Variants in RAP2C observed in about 807,000 individuals in gnomAD.
The protein encoded by RAP2C is RAP2C, member of RAS oncogene family.
A neutral mutation model predicts 8.9 loss-of-function variants in RAP2C; 3 were observed. That is an observed-to-expected ratio of 0.34 (90% CI 0.15 to 0.87). RAP2C has a LOEUF of 0.87. Ranked by LOEUF, RAP2C falls within the 40% of genes least tolerant of loss-of-function variation. RAP2C has a pLI of 0.51. For synonymous variants in RAP2C, 60 were observed against 52.1 expected (o/e 1.15, Z -0.65); for missense variants, 76 against 133.7 (o/e 0.57, Z 2.13).
chrX:132,213,107 T>G (rs1296066386), intron 5 of RAP2C, among the ~76,000 whole-genome samples: 2 of 111,784 alleles, frequency 1.8e-5, no homozygotes, highest in African/African-American at 6.5e-5. Context: ...CTGTTGCCAT[T>G]TGCAACACTG....
chrX:132,215,643 A>G (rs1930557634), intron 4 of RAP2C, among the ~76,000 whole-genome samples: 2 of 111,678 alleles, frequency 1.8e-5, no homozygotes, highest in Admixed American at 9.5e-5. Context: ...ACAAATGGAT[A>G]TAACAGAAAT....
At chrX:132,216,907 A>G (rs1930616763) in intron 4 of RAP2C, 89 bp downstream of exon 4, 2 of 890,843 alleles carry the variant, frequency 2.2e-6, no homozygotes. Flanking sequence ...AGCAAAGCAC[A>G]GTCATTAATG....
chrX:132,208,579 CATT>C (rs1930338725), intron 5 of RAP2C, among the ~76,000 whole-genome samples: 1 of 109,620 alleles, frequency 9.1e-6, no homozygotes, highest in Admixed American at 9.7e-5. Context: ...TTTAATAAAA[CATT>C]AAATTATTTT....
At chrX:132,207,938 A>G (rs918817871) in intron 5 of RAP2C, among the ~76,000 whole-genome samples, 19 of 110,919 alleles carry the variant, frequency 1.7e-4, no homozygotes, top group African/African-American at 6.2e-4. Flanking sequence ...GCTTCTATTC[A>G]AACTCTTACT....
At chrX:132,209,482 T>C (rs1446016382) in intron 5 of RAP2C, among the ~76,000 whole-genome samples, 3 of 112,063 alleles carry the variant, frequency 2.7e-5, no homozygotes, top group African/African-American at 9.7e-5. Context: ...CTTGGGAGTA[T>C]GTTTTTGATT....
chrX:132,209,488 T>C lies in RAP2C; in HGVS notation c.*35-3901A>G, dbSNP rs762238728. On this transcript the variant is annotated intron_variant, in intron 5 of 5. Transcript: ENST00000370874. ...TTAAAACTACTTGGGAGTATGTTTT[T>C]GATTGGATATGTTTTTCTAACAGCT... Among the ~76,000 whole-genome samples the C allele has an allele frequency of 2.7e-5, 3 of 112,193 alleles. No individual in the cohort carries two copies. In the East Asian group the frequency reaches 8.4e-4, roughly 32 times the overall value.
At chrX:132,206,076 G>C (rs145421254) in intron 5 of RAP2C, among the ~76,000 whole-genome samples, 1 of 111,016 alleles carries the variant, frequency 9.0e-6, no homozygotes, top group Non-Finnish European at 1.9e-5. Context: ...ATAAGAAAAC[G>C]TCATTCAGGC....
chrX:132,214,517 T>C, intron 4 of RAP2C, 71 bp from the exon 5 acceptor site: 1 of 1,111,278 alleles, frequency 9.0e-7, no homozygotes, highest in Non-Finnish European at 1.2e-6. Flanking sequence ...AATATTACAG[T>C]ATTACAAAAA....
At chrX:132,208,100 G>A (rs1479934258) in intron 5 of RAP2C, among the ~76,000 whole-genome samples, 1 of 111,023 alleles carries the variant, frequency 9.0e-6, no homozygotes, top group African/African-American at 3.3e-5. Flanking sequence ...ATTGGTATAC[G>A]AGAGTACCAA....
At chrX:132,213,314 CTT>C (rs923031489) in intron 5 of RAP2C, among the ~76,000 whole-genome samples, 1 of 111,185 alleles carries the variant, frequency 9.0e-6, no homozygotes, top group African/African-American at 3.3e-5. Context: ...CATAAATAAT[CTT>C]GTTTTAAATG....
In RAP2C at chrX:132,217,479, T is replaced by G; in HGVS notation, c.-211A>C. 2 of 286,139 alleles carry G rather than the reference T, an allele frequency of 7.0e-6. No homozygotes were observed. The highest frequency in any genetic ancestry group is 1.2e-5 in the Non-Finnish European group (2 of 163,153). The allele number at this position is 286,139 out of a possible 1,213,427, so 23.6% of individuals were successfully genotyped here. A position where few individuals can be genotyped will look rare whatever the true frequency, so the allele number is the denominator to read the frequency against. ...GGGGAGGGTGGGGAAGGGATGGTAATGCCCTTCCTATAGGAACTGCAGCCC... is the reference window on the plus strand; with the variant it reads ...GGGGAGGGTGGGGAAGGGATGGTAAGGCCCTTCCTATAGGAACTGCAGCCC... On this transcript the variant is annotated 5_prime_UTR_variant, in exon 4 of 6. Coordinates refer to ENST00000370874, the MANE Select transcript of RAP2C (RefSeq NM_001271186.2).
intron 1 of RAP2C, chrX:132,218,941 C>A (rs914341742): frequency 8.9e-6 from 1 of 112,640 alleles, no homozygotes; most frequent in Non-Finnish European, 1.9e-5. Flanking sequence ...CTGGCTCTTA[C>A]ATGCTGAAGT....
intron 5 of RAP2C, among the ~76,000 whole-genome samples, chrX:132,212,182 C>T (rs1039093819): frequency 2.7e-5 from 3 of 110,754 alleles, no homozygotes; most frequent in Admixed American, 9.6e-5. Context: ...ATTCTGCTTA[C>T]AAAAACAAAC....
Position 132,203,272 on chromosome X carries a change from A to G in RAP2C, c.*2350T>C, listed in dbSNP as rs1261433642. The G allele has an allele frequency of 1.8e-5, 2 of 112,171 alleles. 1 individual carries two copies. The highest frequency in any genetic ancestry group is 3.8e-5 in the Non-Finnish European group (2 of 53,169). 9.2% of individuals were successfully genotyped at this position (112,171 alleles called of 1,213,427 possible). A position where few individuals can be genotyped will look rare whatever the true frequency, so the allele number is the denominator to read the frequency against. ...AGAGCCCTACTGCAGTGATTTGAAC[A>G]ACTCCTAAATAGATGCCATAATAAA... On this transcript the variant is annotated 3_prime_UTR_variant, in exon 6 of 6. Transcript: ENST00000370874.
intron 2 of RAP2C, 53 bp from the exon 3 acceptor site, chrX:132,218,065 C>G (rs1930698162): frequency 9.3e-6 from 1 of 107,268 alleles, no homozygotes; most frequent in African/African-American, 3.4e-5. Context: ...CGCAGGGACT[C>G]CAGGCGAACC....
chrX:132,219,135 G>T lies in RAP2C; in HGVS notation c.-746+235C>A, dbSNP rs180700126. The stretch of plus-strand genomic sequence containing the variant: ...AGCCCCAGGGCCAGGAGTCTAGGCT[G>T]TATTTTAGGTGTGTCACTTTCTTTT... On this transcript the variant is annotated intron_variant, in intron 1 of 5. Coordinates refer to ENST00000370874, the MANE Select transcript of RAP2C (RefSeq NM_001271186.2). 3.0e-3 allele frequency among the ~76,000 whole-genome samples: 341 copies of T among 112,009 alleles called. 3 individuals carry two copies. Among genetic ancestry groups the T allele is most frequent in the African/African-American group, 0.01 (313 of 30,823 alleles).
At chrX:132,207,170 A>G (rs1930298358) in intron 5 of RAP2C, among the ~76,000 whole-genome samples, 1 of 111,779 alleles carries the variant, frequency 8.9e-6, no homozygotes, top group African/African-American at 3.2e-5. Context: ...ATTTAGAAAG[A>G]CTTCCTTCAA....
chrX:132,208,248 GCA>G (rs952561677), intron 5 of RAP2C, among the ~76,000 whole-genome samples: 1 of 111,482 alleles, frequency 9.0e-6, no homozygotes, highest in Non-Finnish European at 1.9e-5. Context: ...GAAAGGCTTA[GCA>G]GTTTATGAAT....
chrX:132,206,962 G>A (rs1930293118), intron 5 of RAP2C, among the ~76,000 whole-genome samples: 1 of 111,919 alleles, frequency 8.9e-6, no homozygotes, highest in Non-Finnish European at 1.9e-5. Context: ...TCTTCACAGG[G>A]TTGTTGTAAA....
Sources: allele counts gnomAD v4.1 joint callset (sites outside exome capture counted in the v4.1 genomes callset), GRCh38; gene constraint gnomAD v4.1.1; transcripts MANE v1.5; gene names NCBI Gene and HGNC (gene_info 2026-07-23, HGNC 2026-07-21).